The following UNC79 variants were observed in gnomAD, a reference collection of about 807,000 sequenced individuals.
UNC79 encodes unc-79 subunit of NALCN channel complex, also known as protein unc-79 homolog.
A neutral mutation model predicts 283.1 loss-of-function variants in UNC79; 37 were observed. The ratio of observed to expected loss-of-function variants is 0.13; its 90% CI spans 0.10 to 0.17. The LOEUF (loss-of-function observed/expected upper bound fraction) is 0.17, where lower values mean the gene tolerates loss of function less well. Ranked by LOEUF, UNC79 falls within the 10% of genes least tolerant of loss-of-function variation. The probability of loss-of-function intolerance (pLI) is 1.00; values close to 1 mark genes in which losing one functional copy is unlikely to be tolerated. For synonymous variants in UNC79, 1,107 were observed against 1,200.2 expected, an observed-to-expected ratio of 0.92 and a Z score of 1.61; for missense variants, 2,272 against 3,211.1, an observed-to-expected ratio of 0.71 and a Z score of 7.07.
In UNC79 at chr14:93,621,877, T is replaced by C. The variant is rs1453565753; in HGVS notation, c.4644T>C (p.Ser1548=). 1.2e-6 allele frequency: 2 copies of C among 1,614,100 alleles called. No individual in the cohort carries two copies. The highest frequency in any genetic ancestry group is 4.5e-5 in the East Asian group (2 of 44,868). ...AAAGACCAAACGACCCTGGACGTTC[T>C]AGACAGAACTCTGCTACGAGGCCTG... is the stretch of plus-strand genomic sequence containing the variant. Residue 1548 remains serine, a synonymous_variant, in exon 30 of 49, where the codon TCT becomes TCC. Transcript: ENST00000555664. This position sits in a 1 kb window ranked among gnomAD's most constrained non-coding sequence, Gnocchi z 4.8.
At chr14:93,706,603 A>G (rs1308869074) in intron 48 of UNC79, 101 bp from the exon 52 acceptor site, 1 of 1,364,390 alleles carries the variant, frequency 7.3e-7, no homozygotes, top group Non-Finnish European at 1.0e-6. Context: ...ACAACCCTTG[A>G]GCCAAGCCTA....
chr14:93,691,935 C>T (rs1388940522), exon 46 of UNC79: 3 of 1,613,968 alleles, frequency 1.9e-6, no homozygotes, highest in Non-Finnish European at 2.5e-6. Context: ...GCTAATGGCC[C>T]ATAACAAAGT....
chr14:93,570,475 C>T (rs977273932), intron 14 of UNC79, among the ~76,000 whole-genome samples: 1 of 152,284 alleles, frequency 6.6e-6, no homozygotes, highest in Non-Finnish European at 1.5e-5. Flanking sequence ...CACTTCAGCC[C>T]ATTGACCTGT....
chr14:93,453,978 C>T (rs897966282), intron 1 of UNC79, among the ~76,000 whole-genome samples: 1 of 151,940 alleles, frequency 6.6e-6, no homozygotes, highest in Non-Finnish European at 1.5e-5. Context: ...AATTGTTTTT[C>T]CCTTTTCTTT....
chr14:93,705,823 C>T lies in UNC79; in HGVS notation c.7591-881C>T, dbSNP rs572589309. ...AAAGTTTTTTGCTGGGTTTCTTCTC[C>T]GAGTTGGGGAGGGATGCTAGTGGAA... is the stretch of plus-strand genomic sequence containing the variant. On this transcript the variant is annotated intron_variant, in intron 48 of 48. Transcript: ENST00000555664. Among the ~76,000 whole-genome samples, 10 of 152,228 alleles carry T rather than the reference C, an allele frequency of 6.6e-5. No individual in the cohort carries two copies. In the East Asian group the frequency reaches 7.7e-4, roughly 12 times the overall value.
At position 93,601,284 on chromosome 14, in the gene UNC79, C is replaced by T. The variant is rs935408300; in HGVS notation, c.3574+514C>T. 6.7e-5 allele frequency among the ~76,000 whole-genome samples: 10 copies of T among 149,030 alleles called. No homozygotes were observed. The East Asian group carries it at 1.5e-3, about 22-fold the overall frequency. On this transcript the variant is annotated intron_variant, in intron 25 of 48. Coordinates refer to ENST00000555664, the Ensembl canonical transcript of UNC79. ...CCTTCCCCCCAAAGTCCCCAAATTC[C>T]GTTCTGTCATTCTTATGTCTTTGCA...
At chr14:93,364,799 A>T (rs1241943986) in intron 1 of UNC79, among the ~76,000 whole-genome samples, 1 of 151,858 alleles carries the variant, frequency 6.6e-6, no homozygotes, top group African/African-American at 2.4e-5. Context: ...ATTTTTTTCC[A>T]GGTAGTTGCT....
intron 38 of UNC79, among the ~76,000 whole-genome samples, chr14:93,658,506 A>T (rs773968534): frequency 1.3e-5 from 2 of 152,192 alleles, no homozygotes; most frequent in Non-Finnish European, 2.9e-5. Flanking sequence ...TCTATTTACC[A>T]TATCATTGTT....
intron 41 of UNC79, among the ~76,000 whole-genome samples, chr14:93,679,043 G>A (rs2073602674): frequency 6.6e-6 from 1 of 152,132 alleles, no homozygotes; most frequent in African/African-American, 2.4e-5. Flanking sequence ...TATTTTATGT[G>A]TAATAGGTTA....
chr14:93,560,830 C>T (rs941602067), intron 14 of UNC79, among the ~76,000 whole-genome samples: 2 of 152,036 alleles, frequency 1.3e-5, no homozygotes, highest in Non-Finnish European at 2.9e-5. Flanking sequence ...TACCCAGACT[C>T]CTAGGGATCC....
chr14:93,686,551 A>G, intron 42 of UNC79, 21 bp from the exon 46 acceptor site: 2 of 1,613,486 alleles, frequency 1.2e-6, no homozygotes, highest in Non-Finnish European at 8.5e-7. Flanking sequence ...GGTGTGACCC[A>G]GCTGTGTCCT....
chr14:93,683,924 T>A (rs576614642), intron 42 of UNC79, among the ~76,000 whole-genome samples: 1 of 152,130 alleles, frequency 6.6e-6, no homozygotes, highest in South Asian at 2.1e-4. Context: ...TGTGACTTGA[T>A]GAGTTTGGAA....
Position 93,457,412 on chromosome 14 carries a change from C to T in UNC79, c.23-10259C>T, listed in dbSNP as rs2056826537. ...TGCAGTTTGTGGGAAGGTTAGTTACCTACTGGGGAAATGGGTACAGCTAAG... is the reference window on the plus strand; with the variant it reads ...TGCAGTTTGTGGGAAGGTTAGTTACTTACTGGGGAAATGGGTACAGCTAAG... On this transcript the variant is annotated intron_variant, in intron 1 of 48. Transcript: ENST00000555664. Among the ~76,000 whole-genome samples the T allele has an allele frequency of 2.0e-5, 3 of 152,188 alleles. No homozygotes were observed. The South Asian group carries it at 6.2e-4, about 31-fold the overall frequency.
chr14:93,616,264 T>A (rs2066716672), intron 27 of UNC79, among the ~76,000 whole-genome samples: 1 of 152,164 alleles, frequency 6.6e-6, no homozygotes, highest in Admixed American at 6.5e-5. Flanking sequence ...CCATGCTGAA[T>A]TTCTTTATAC....
At chr14:93,597,654 A>C in intron 24 of UNC79, 114 bp downstream of exon 24, 1 of 1,161,702 alleles carries the variant, frequency 8.6e-7, no homozygotes, top group Non-Finnish European at 1.2e-6. Context: ...GAATACCATA[A>C]ACTGGGTAGT....
chr14:93,438,084 G>A (rs2056156199), intron 1 of UNC79, among the ~76,000 whole-genome samples: 1 of 151,948 alleles, frequency 6.6e-6, no homozygotes, highest in African/African-American at 2.4e-5. Flanking sequence ...TTGGTTTTGT[G>A]TCAACTACCA....
At chr14:93,538,140 A>T in exon 12 of UNC79, 1 of 1,614,106 alleles carries the variant, frequency 6.2e-7, no homozygotes, top group Non-Finnish European at 8.5e-7. Flanking sequence ...ACTCACCTCT[A>T]TCAGACCTCT....
Position 93,370,510 on chromosome 14 carries a change from C to T in UNC79, c.-351+36987C>T, listed in dbSNP as rs558605764. On this transcript the variant is annotated intron_variant, in intron 1 of 49. Transcript: ENST00000256339. ...AATAGAGGCCAAGTGTGCTGGCTCA[C>T]GCCTGTAATCCCATCACGTTGGGAG... 6.6e-5 allele frequency among the ~76,000 whole-genome samples: 10 copies of T among 152,340 alleles called. No individual in the cohort carries two copies. The East Asian group carries it at 9.6e-4, about 15-fold the overall frequency.
At chr14:93,529,677 A>G (rs1166294886) in intron 10 of UNC79, among the ~76,000 whole-genome samples, 1 of 152,214 alleles carries the variant, frequency 6.6e-6, no homozygotes, top group Non-Finnish European at 1.5e-5. Flanking sequence ...AAGAAAAAGA[A>G]TAAGGAACAC....
Sources: gnomAD v4.1 joint callset for allele counts (sites outside exome capture counted in the v4.1 genomes callset) on GRCh38, gnomAD v4.1.1 for gene constraint, Gnocchi (gnomAD v3.1) non-coding constraint, MANE v1.5 for transcripts, NCBI Gene and HGNC (gene_info 2026-07-23, HGNC 2026-07-21) for gene names.